SEMA6D: variants seen among roughly 807,000 people sequenced by gnomAD.
The protein encoded by SEMA6D is semaphorin 6D, also known as semaphorin-6D.
In SEMA6D, 35 loss-of-function variants were observed where a neutral mutation model predicts 106.6. The ratio of observed to expected loss-of-function variants is 0.33; its 90% confidence interval spans 0.25 to 0.44. The LOEUF (loss-of-function observed/expected upper bound fraction) is 0.44, where lower values mean the gene tolerates loss of function less well. SEMA6D is among the 20% of genes least tolerant of loss of function. SEMA6D has a pLI of 1.00. For synonymous variants in SEMA6D, 499 were observed against 487.7 expected, an observed-to-expected ratio of 1.02 and a Z score of -0.31; for missense variants, 1,185 against 1,345.9, an observed-to-expected ratio of 0.88 and a Z score of 1.87.
chr15:47,359,359 T>C (rs946733531), intron 1 of SEMA6D: 2 of 152,186 alleles, frequency 1.3e-5, no homozygotes, highest in African/African-American at 4.8e-5. Flanking sequence ...ATAATAATAA[T>C]TTCATAGAGG....
At chr15:47,660,252 G>T (rs553757319) in intron 4 of SEMA6D, among the ~76,000 whole-genome samples, 1 of 152,152 alleles carries the variant, frequency 6.6e-6, no homozygotes, top group African/African-American at 2.4e-5. Context: ...CATACTTCTT[G>T]GAAGGGACCG....
chr15:47,760,460 T>C, intron 3 of SEMA6D, 45 bp downstream of exon 3: 3 of 1,448,812 alleles, frequency 2.1e-6, no homozygotes, highest in Non-Finnish European at 1.9e-6. Context: ...TTCTTTTCTC[T>C]TGTGGTGCTT....
chr15:47,208,772 A>G (rs1895281367), intron 1 of SEMA6D, among the ~76,000 whole-genome samples: 1 of 152,196 alleles, frequency 6.6e-6, no homozygotes, highest in African/African-American at 2.4e-5. Flanking sequence ...TTCTCATTCC[A>G]GGACGGTTTC....
At chr15:47,387,868 G>A (rs1455488537) in intron 1 of SEMA6D, among the ~76,000 whole-genome samples, 1 of 152,148 alleles carries the variant, frequency 6.6e-6, no homozygotes, top group East Asian at 1.9e-4. Context: ...AATGAGAGTA[G>A]CACCCTCATA....
chr15:47,468,208 C>A (rs2042722456), intron 2 of SEMA6D, among the ~76,000 whole-genome samples: 1 of 151,706 alleles, frequency 6.6e-6, no homozygotes. Flanking sequence ...TGTGTTCATA[C>A]CTATGTTTCT....
chr15:47,566,437 A>G (rs982890656), intron 3 of SEMA6D, among the ~76,000 whole-genome samples: 1 of 152,184 alleles, frequency 6.6e-6, no homozygotes, highest in African/African-American at 2.4e-5. Flanking sequence ...CTTTGGACCA[A>G]CTGTATGTTA....
At position 47,378,216 on chromosome 15, in the gene SEMA6D, G is replaced by T. The variant is rs182946924; in HGVS notation, c.-238-34177G>T. On this transcript the variant is annotated intron_variant, in intron 1 of 19. Transcript: ENST00000558014. ...CATTCTCAATGTTGAAGATTGAAAG[G>T]CCAGGCACGGTGGCTCACGCTTGTA... Among the ~76,000 whole-genome samples the T allele has an allele frequency of 9.8e-5, 15 of 152,304 alleles. 1 individual carries two copies. Among genetic ancestry groups the T allele is most frequent in the African/African-American group, 3.6e-4 (15 of 41,556 alleles).
intron 3 of SEMA6D, among the ~76,000 whole-genome samples, chr15:47,517,924 G>A (rs1486514967): frequency 1.3e-5 from 2 of 152,054 alleles, no homozygotes; most frequent in Admixed American, 1.3e-4. Flanking sequence ...GAGTCATTTG[G>A]CCCACCCTGA....
intron 1 of SEMA6D, among the ~76,000 whole-genome samples, chr15:47,273,270 A>T (rs572113407): frequency 4.6e-5 from 7 of 150,816 alleles, no homozygotes; most frequent in Non-Finnish European, 7.4e-5. Context: ...AAAGCACCAC[A>T]GAAGTCTTTT....
rs2031858446 is a variant in SEMA6D at position 47,227,889 on chromosome 15, AT to A, written c.-239+43475del. The stretch of plus-strand genomic sequence containing the variant: ...TTTTATATATATAAGAATCATATAT[AT>A]TTTATATATATAAGAATCTTATATA... On this transcript the variant is annotated intron_variant, in intron 1 of 19. Transcript: ENST00000558014. 2.1e-5 allele frequency among the ~76,000 whole-genome samples: 3 copies of A among 144,574 alleles called. No homozygotes were observed. In the South Asian group the frequency reaches 6.3e-4, roughly 30 times the overall value. The allele number at this position is 144,574 out of a possible 152,430, so 94.8% of individuals were successfully genotyped here.
At chr15:47,390,516 C>T (rs1370452557) in intron 1 of SEMA6D, among the ~76,000 whole-genome samples, 2 of 152,162 alleles carry the variant, frequency 1.3e-5, no homozygotes, top group African/African-American at 4.8e-5. Context: ...TAATCCACCA[C>T]ATATGCCTTT....
At chr15:47,228,471 A>ATGTT (rs3050475) in intron 1 of SEMA6D, among the ~76,000 whole-genome samples, 136,076 of 151,476 alleles carry the variant, frequency 0.9, 61,806 homozygotes, top group Non-Finnish European at 0.96. Flanking sequence ...GCCTTGGTAA[A>ATGTT]TGTTTGTTTA....
intron 1 of SEMA6D, among the ~76,000 whole-genome samples, chr15:47,304,433 TAAAAAAAAAAAAAAAAAAAAAA>T (rs56185341): frequency 2.1e-5 from 2 of 93,842 alleles, no homozygotes; most frequent in Non-Finnish European, 3.7e-5. Context: ...GCCTTCTAAC[TAAAAAAAAAAAAAAAAAAAAAA>T]AAAAAAAAAA....
intron 2 of SEMA6D, among the ~76,000 whole-genome samples, chr15:47,419,380 G>T (rs1346318025): frequency 1.3e-5 from 2 of 152,010 alleles, no homozygotes; most frequent in Non-Finnish European, 2.9e-5. Context: ...TATGAAAATG[G>T]CCAAAAATTA....
At chr15:47,719,961 G>T (rs902618404) in intron 1 of SEMA6D, among the ~76,000 whole-genome samples, 3 of 152,290 alleles carry the variant, frequency 2.0e-5, no homozygotes, top group Admixed American at 6.5e-5. Flanking sequence ...TGAGATTTGG[G>T]TCTATATTAC....
intron 2 of SEMA6D, 163 bp downstream of exon 2, chr15:47,760,070 C>G: frequency 3.0e-6 from 2 of 673,734 alleles, no homozygotes; most frequent in Non-Finnish European, 5.0e-6. Context: ...TTGGAGAAAA[C>G]GGGGCAGTTT....
chr15:47,611,964 A>G (rs1042660930), intron 4 of SEMA6D, among the ~76,000 whole-genome samples: 13 of 152,182 alleles, frequency 8.5e-5, no homozygotes, highest in Admixed American at 8.5e-4. Context: ...AGGTGAAAAT[A>G]GAGTGTGAGG....
At chr15:47,559,556 A>G (rs1305063025) in intron 3 of SEMA6D, among the ~76,000 whole-genome samples, 1 of 152,086 alleles carries the variant, frequency 6.6e-6, no homozygotes, top group African/African-American at 2.4e-5. Flanking sequence ...AGGGAGGTCT[A>G]GGGTCTCCAC....
chr15:47,602,327 A>T (rs531822419), intron 4 of SEMA6D, among the ~76,000 whole-genome samples: 16 of 152,220 alleles, frequency 1.1e-4, no homozygotes, highest in Non-Finnish European at 7.3e-5. Flanking sequence ...TAAGGTAATT[A>T]CAATTGTCAC....
Sources: gnomAD v4.1 joint callset for allele counts (sites outside exome capture counted in the v4.1 genomes callset) on GRCh38, gnomAD v4.1.1 for gene constraint, MANE v1.5 for transcripts, NCBI Gene and HGNC (gene_info 2026-07-23, HGNC 2026-07-21) for gene names.